YWHAE: variants seen among roughly 807,000 people sequenced by gnomAD.
YWHAE encodes 14-3-3 protein epsilon.
YWHAE carries 4 observed loss-of-function variants against 30.1 expected under a neutral mutation model. The observed-to-expected ratio is 0.13, with a 90% CI of 0.07 to 0.30. The LOEUF is 0.30. Among genes scored for constraint, YWHAE ranks in the 10% least tolerant of loss-of-function variants. The pLI is 1.00. For synonymous variants in YWHAE, 118 were observed against 111.8 expected (o/e 1.06, Z -0.35); for missense variants, 121 against 315.9 (o/e 0.38, Z 4.68).
chr17:1,376,928 CTTT>C (rs150653022), intron 1 of YWHAE, among the ~76,000 whole-genome samples: 1 of 142,188 alleles, frequency 7.0e-6, no homozygotes. Context: ...ATAACCCTAA[CTTT>C]TTTTTTTTTT....
chr17:1,348,112 C>A (rs2072557464), intron 5 of YWHAE: 1 of 477,144 alleles, frequency 2.1e-6, no homozygotes, highest in Non-Finnish European at 2.8e-6. Flanking sequence ...ATACAGGAGC[C>A]GGACTTTGGT....
chr17:1,357,095 C>T (rs1227219196), intron 4 of YWHAE, among the ~76,000 whole-genome samples: 1 of 147,988 alleles, frequency 6.8e-6, no homozygotes, highest in African/African-American at 2.5e-5. Context: ...CAGGGAAACC[C>T]CATCTCTATT....
intron 1 of YWHAE, among the ~76,000 whole-genome samples, chr17:1,375,523 T>A (rs1261465505): frequency 6.6e-6 from 1 of 152,184 alleles, no homozygotes; most frequent in East Asian, 1.9e-4. Context: ...TGAAATCACT[T>A]CTTTTGGATC....
chr17:1,400,179 T>A lies in YWHAE; in HGVS notation c.-69A>T. The A allele has an allele frequency of 6.3e-7, 1 of 1,584,336 alleles. No individual in the cohort carries two copies. Among genetic ancestry groups the A allele is most frequent in the Non-Finnish European group, 8.7e-7 (1 of 1,155,120 alleles). The stretch of plus-strand genomic sequence containing the variant: ...GATAGTGTCTCCGACTCTCTCAGCC[T>A]CTCGCTCCGCGTCCGGGCAGCAAAA... On this transcript the variant is annotated 5_prime_UTR_variant, in exon 1 of 6. Coordinates refer to ENST00000264335, the MANE Select transcript of YWHAE (RefSeq NM_006761.5).
chr17:1,363,859 T>C (rs1026948985), intron 2 of YWHAE, among the ~76,000 whole-genome samples: 1 of 150,258 alleles, frequency 6.7e-6, no homozygotes, highest in Admixed American at 6.7e-5. Flanking sequence ...CTGTCTCTTC[T>C]ACTAGAATCG....
At chr17:1,356,227 G>C (rs2072740853) in intron 4 of YWHAE, among the ~76,000 whole-genome samples, 1 of 139,004 alleles carries the variant, frequency 7.2e-6, no homozygotes, top group African/African-American at 2.5e-5. Flanking sequence ...AAATTAGCCG[G>C]GCATGGTGGC....
intron 4 of YWHAE, among the ~76,000 whole-genome samples, chr17:1,354,866 G>A (rs1326269195): frequency 6.7e-6 from 1 of 149,050 alleles, no homozygotes; most frequent in Non-Finnish European, 1.5e-5. Context: ...GTTTCACCGT[G>A]TTAGCCAGGA....
At position 1,364,169 on chromosome 17, in the gene YWHAE, T is replaced by C. The variant is rs533370309; in HGVS notation, c.264+690A>G. Among the ~76,000 whole-genome samples the C allele has an allele frequency of 6.9e-4, 104 of 150,062 alleles. 1 individual carries two copies. Among genetic ancestry groups the C allele is most frequent in the African/African-American group, 2.5e-3 (102 of 40,968 alleles). On this transcript the variant is annotated intron_variant, in intron 2 of 5. Transcript: ENST00000264335. ...TAAGTAAAATAACTTCATTAAATAA[T>C]CCTCAGGGAAAAAAAAAGAGGAATC...
chr17:1,389,971 G>A (rs1892184668), intron 1 of YWHAE, among the ~76,000 whole-genome samples: 2 of 152,074 alleles, frequency 1.3e-5, no homozygotes, highest in Admixed American at 6.6e-5. Context: ...AGCCTCCCGA[G>A]GAGCTGGGAT....
Position 1,345,289 on chromosome 17 carries a change from TAAAA to T in YWHAE, c.*154_*157del, listed in dbSNP as rs566935846. On this transcript the variant is annotated 3_prime_UTR_variant, in exon 6 of 6. Transcript: ENST00000264335. Reference sequence around the variant, plus strand: ...CCTTTAAGAACTTTTGAAAACTGTTTAAAAAAAAAAAAAAAAAACCAACAGGGCA... The same window carrying T: ...CCTTTAAGAACTTTTGAAAACTGTTTAAAAAAAAAAAAAACCAACAGGGCA... The T allele has an allele frequency of 4.1e-5, 21 of 508,340 alleles. No homozygotes were observed. Among genetic ancestry groups the T allele is most frequent in the East Asian group, 1.0e-4 (3 of 30,132 alleles). 31.5% of individuals were successfully genotyped at this position (508,340 alleles called of 1,614,324 possible).
chr17:1,347,296 G>A (rs1205198737), intron 5 of YWHAE, among the ~76,000 whole-genome samples: 1 of 150,642 alleles, frequency 6.6e-6, no homozygotes, highest in Non-Finnish European at 1.5e-5. Flanking sequence ...TTCTGCCGCT[G>A]CACTCCAGCC....
At chr17:1,371,171 C>G (rs541928700) in intron 1 of YWHAE, among the ~76,000 whole-genome samples, 3 of 152,224 alleles carry the variant, frequency 2.0e-5, no homozygotes, top group Non-Finnish European at 2.9e-5. Flanking sequence ...CAGCCTCAAC[C>G]TCCCCAGCTC....
chr17:1,398,339 C>CCT (rs1555648164), intron 1 of YWHAE, among the ~76,000 whole-genome samples: 1 of 92,620 alleles, frequency 1.1e-5, no homozygotes, highest in Non-Finnish European at 2.0e-5. Context: ...TCTTATCCCC[C>CCT]CCCCCAACAG....
intron 1 of YWHAE, 29 bp downstream of exon 1, chr17:1,400,018 T>G: frequency 1.2e-6 from 2 of 1,611,028 alleles, no homozygotes; most frequent in Non-Finnish European, 1.7e-6. Flanking sequence ...GTCCGAGAAT[T>G]CCAGCCCCCC....
At chr17:1,388,712 A>C (rs1447367169) in intron 1 of YWHAE, among the ~76,000 whole-genome samples, 2 of 151,908 alleles carry the variant, frequency 1.3e-5, no homozygotes, top group South Asian at 2.1e-4. Context: ...TTGATGAGCT[A>C]AGAAACCCCC....
At chr17:1,353,308 G>C (rs995165271) in intron 5 of YWHAE, among the ~76,000 whole-genome samples, 2 of 151,862 alleles carry the variant, frequency 1.3e-5, no homozygotes, top group Non-Finnish European at 2.9e-5. Flanking sequence ...CGTGGTGGCA[G>C]GCACCTGTAG....
chr17:1,346,769 G>C (rs1007374013), intron 5 of YWHAE, among the ~76,000 whole-genome samples: 3 of 151,846 alleles, frequency 2.0e-5, no homozygotes, highest in African/African-American at 7.3e-5. Flanking sequence ...GGCGGATCAC[G>C]AGGTCAGAAG....
intron 2 of YWHAE, 27 bp downstream of exon 2, chr17:1,364,832 G>A: frequency 6.2e-7 from 1 of 1,613,582 alleles, no homozygotes; most frequent in South Asian, 1.1e-5. Context: ...CTGTGGATAA[G>A]GGGGGATGAT....
intron 2 of YWHAE, among the ~76,000 whole-genome samples, chr17:1,363,136 A>AT (rs2072889013): frequency 6.6e-6 from 1 of 152,284 alleles, no homozygotes; most frequent in Admixed American, 6.5e-5. Context: ...ACCCATGACC[A>AT]TGCTGCTCCA....
Sources: allele counts gnomAD v4.1 joint callset (sites outside exome capture counted in the v4.1 genomes callset), GRCh38; gene constraint gnomAD v4.1.1; transcripts MANE v1.5; gene names NCBI Gene and HGNC (gene_info 2026-07-23, HGNC 2026-07-21).